Variants in PLCE1 observed in about 807,000 individuals in gnomAD.
PLCE1 encodes the protein 1-phosphatidylinositol 4,5-bisphosphate phosphodiesterase epsilon-1.
A neutral mutation model predicts 242.8 loss-of-function variants in PLCE1; 119 were observed. That is an observed-to-expected ratio of 0.49 (90% confidence interval 0.42 to 0.57). The LOEUF (loss-of-function observed/expected upper bound fraction) is 0.57. Ranked by LOEUF, PLCE1 falls within the 20% of genes least tolerant of loss-of-function variation. The pLI is 0.00. For missense variants in PLCE1, 2,441 were observed against 2,788.8 expected (o/e 0.88, Z 2.81); for synonymous variants, 945 against 1,017.4 (o/e 0.93, Z 1.35).
At chr10:94,012,516 G>A (rs937940130) in intron 1 of PLCE1, among the ~76,000 whole-genome samples, 6 of 151,920 alleles carry the variant, frequency 3.9e-5, no homozygotes, top group South Asian at 4.1e-4. Flanking sequence ...GGAAAACATC[G>A]GCCGTGTCAC....
At chr10:94,138,082 C>T (rs2046841804) in intron 3 of PLCE1, 1 of 356,438 alleles carries the variant, frequency 2.8e-6, no homozygotes. Context: ...CTGTGGGCGG[C>T]TCTGTGGCAA....
At chr10:94,087,714 A>C (rs974108602) in intron 2 of PLCE1, among the ~76,000 whole-genome samples, 1 of 152,152 alleles carries the variant, frequency 6.6e-6, no homozygotes, top group African/African-American at 2.4e-5. Flanking sequence ...AAGTGTTGGG[A>C]TTACAGGCAT....
At chr10:94,271,822 G>A (rs1444286641) in intron 18 of PLCE1, among the ~76,000 whole-genome samples, 4 of 152,188 alleles carry the variant, frequency 2.6e-5, no homozygotes, top group African/African-American at 9.7e-5. Flanking sequence ...AGAATACAAA[G>A]AGAGGAATTT....
At chr10:94,096,781 A>T (rs1342342052) in intron 2 of PLCE1, 1 of 152,210 alleles carries the variant, frequency 6.6e-6, no homozygotes, top group Non-Finnish European at 1.5e-5. Flanking sequence ...ATACTGTGTC[A>T]ACAATAAAGG....
intron 1 of PLCE1, among the ~76,000 whole-genome samples, chr10:94,010,276 C>G (rs1226974775): frequency 6.6e-6 from 1 of 152,214 alleles, no homozygotes; most frequent in African/African-American, 2.4e-5. Context: ...GCAGCCGTGT[C>G]CTGAGGCTAA....
chr10:94,291,880 A>G (rs1039808419), intron 22 of PLCE1, among the ~76,000 whole-genome samples: 6 of 152,016 alleles, frequency 3.9e-5, no homozygotes, highest in Admixed American at 2.0e-4. Context: ...ACAATTCAAA[A>G]TCCTTCCCCT....
intron 17 of PLCE1, among the ~76,000 whole-genome samples, chr10:94,269,992 C>T (rs1252042053): frequency 6.6e-6 from 1 of 152,190 alleles, no homozygotes; most frequent in African/African-American, 2.4e-5. Flanking sequence ...ATTTTCTCCT[C>T]AACTTGGTTT....
At chr10:94,119,735 C>T (rs2046246886) in intron 2 of PLCE1, among the ~76,000 whole-genome samples, 1 of 152,164 alleles carries the variant, frequency 6.6e-6, no homozygotes, top group South Asian at 2.1e-4. Context: ...TACAATTGCC[C>T]ATTATCTTGC....
rs556589319 is a variant in PLCE1 at position 94,214,450 on chromosome 10, A to G, written c.1810-12856A>G. The stretch of plus-strand genomic sequence containing the variant: ...TCATTCACAGATGCTCACCCAACAT[A>G]TATGTACTGGACAGACTGCTGATTT... On this transcript the variant is annotated intron_variant, in intron 4 of 32. Transcript: ENST00000371380. 1.9e-4 allele frequency among the ~76,000 whole-genome samples: 29 copies of G among 152,202 alleles called. No homozygotes were observed. In the South Asian group the frequency reaches 4.8e-3, roughly 25 times the overall value.
intron 2 of PLCE1, among the ~76,000 whole-genome samples, chr10:94,125,857 T>C (rs2046422383): frequency 6.6e-6 from 1 of 152,110 alleles, no homozygotes; most frequent in Non-Finnish European, 1.5e-5. Flanking sequence ...TTAGTAGAAG[T>C]CAAGTCAAGA....
intron 1 of PLCE1, among the ~76,000 whole-genome samples, chr10:94,026,376 C>T (rs2061453086): frequency 2.0e-5 from 3 of 152,118 alleles, no homozygotes; most frequent in Admixed American, 2.0e-4. Context: ...TTTTAGCCCA[C>T]ACAACCTTTG....
In PLCE1 at chr10:94,025,521, T is replaced by C. The variant is rs74149559; in HGVS notation, c.-364-5162T>C. Among the ~76,000 whole-genome samples, 97 of 152,324 alleles carry C rather than the reference T, an allele frequency of 6.4e-4. 1 individual carries two copies. Among genetic ancestry groups the C allele is most frequent in the African/African-American group, 2.3e-3 (97 of 41,592 alleles). ...CCCTTGGTATACAGTCATCCATTTT[T>C]ACTCTGTCATTCTAAATTCTCTCTG... On this transcript the variant is annotated intron_variant, in intron 1 of 32. Coordinates refer to ENST00000371380, the MANE Select transcript of PLCE1 (RefSeq NM_016341.4).
At chr10:94,198,915 G>T (rs781516738) in intron 4 of PLCE1, among the ~76,000 whole-genome samples, 33 of 152,166 alleles carry the variant, frequency 2.2e-4, no homozygotes, top group Non-Finnish European at 2.8e-4. Flanking sequence ...ATCTGGGCAT[G>T]GTGGCACGCA....
intron 2 of PLCE1, among the ~76,000 whole-genome samples, chr10:94,089,617 A>AT (rs924084120): frequency 1.3e-5 from 2 of 151,970 alleles, no homozygotes; most frequent in East Asian, 1.9e-4. Context: ...CAGCTTTGAG[A>AT]TTTTTTTTGC....
chr10:94,044,860 C>T (rs144784119), intron 2 of PLCE1, among the ~76,000 whole-genome samples: 1 of 152,264 alleles, frequency 6.6e-6, no homozygotes, highest in African/African-American at 2.4e-5. Context: ...ACAGTGGAGT[C>T]TGTTGAGTTC....
At chr10:94,307,163 C>T (rs1352798966) in intron 26 of PLCE1, among the ~76,000 whole-genome samples, 1 of 152,176 alleles carries the variant, frequency 6.6e-6, no homozygotes, top group Non-Finnish European at 1.5e-5. Context: ...GAGCTATTTG[C>T]TTGTAGATTG....
chr10:94,064,831 G>A (rs936940383), intron 2 of PLCE1, among the ~76,000 whole-genome samples: 24 of 152,284 alleles, frequency 1.6e-4, no homozygotes, highest in African/African-American at 5.5e-4. Flanking sequence ...AAACAGAGTA[G>A]CCCAAGCCCT....
chr10:94,223,813 C>T (rs78521960), intron 4 of PLCE1, among the ~76,000 whole-genome samples: 480 of 152,268 alleles, frequency 3.2e-3, no homozygotes, highest in African/African-American at 0.011. Context: ...TATGCCTAAA[C>T]CATAGTACTT....
intron 8 of PLCE1, among the ~76,000 whole-genome samples, chr10:94,251,051 G>C (rs1340698460): frequency 6.6e-6 from 1 of 152,052 alleles, no homozygotes; most frequent in Non-Finnish European, 1.5e-5. Context: ...GGCTTATTGG[G>C]ATCATGTGCC....
Sources: allele counts gnomAD v4.1 joint callset (sites outside exome capture counted in the v4.1 genomes callset), GRCh38; gene constraint gnomAD v4.1.1; transcripts MANE v1.5; gene names NCBI Gene and HGNC (gene_info 2026-07-23, HGNC 2026-07-21).